TBC1D16: variants seen among roughly 807,000 people sequenced by gnomAD.
TBC1D16 encodes CTD-2529O21.1.
A neutral mutation model predicts 74.7 loss-of-function variants in TBC1D16; 58 were observed. That is an observed-to-expected ratio of 0.78 (90% confidence interval 0.63 to 0.97). The LOEUF is 0.97. Among genes scored for constraint, TBC1D16 ranks in the 50% least tolerant of loss-of-function variants. The pLI is 0.00. For synonymous variants in TBC1D16, 493 were observed against 474.7 expected (o/e 1.04, Z -0.50); for missense variants, 1,014 against 1,079.5 (o/e 0.94, Z 0.85).
At chr17:79,967,208 A>G (rs1424014701) in intron 3 of TBC1D16, among the ~76,000 whole-genome samples, 1 of 152,228 alleles carries the variant, frequency 6.6e-6, no homozygotes, top group Non-Finnish European at 1.5e-5. Context: ...TGGAAGGTCT[A>G]CCTGGGAAAT....
intron 2 of TBC1D16, among the ~76,000 whole-genome samples, chr17:80,011,642 T>C (rs748522170): frequency 7.9e-5 from 12 of 152,066 alleles, no homozygotes; most frequent in Non-Finnish European, 1.2e-4. Context: ...GTGGCTAACA[T>C]GGTGAAACCC....
Position 79,934,073 on chromosome 17 carries a change from G to A in TBC1D16, c.*6786C>T, listed in dbSNP as rs1042967257. Reference sequence around the variant, plus strand: ...AGCCACCGCCAGCCCTGAGGGCTGCGGGACAACAGAGAGCCGGGCCTGCCC... The same window carrying A: ...AGCCACCGCCAGCCCTGAGGGCTGCAGGACAACAGAGAGCCGGGCCTGCCC... On this transcript the variant is annotated 3_prime_UTR_variant, in exon 12 of 12. Transcript: ENST00000310924. 7 of 152,208 alleles carry A rather than the reference G, an allele frequency of 4.6e-5. No homozygotes were observed. Among genetic ancestry groups the A allele is most frequent in the African/African-American group, 1.4e-4 (6 of 41,448 alleles). The allele number at this position is 152,208 out of a possible 1,614,324, so 9.4% of individuals were successfully genotyped here.
At chr17:79,958,365 G>A (rs547036212) in intron 3 of TBC1D16, among the ~76,000 whole-genome samples, 6 of 152,000 alleles carry the variant, frequency 3.9e-5, no homozygotes, top group Admixed American at 2.0e-4. Context: ...GATTACAGGC[G>A]CCTGCCACCA....
At chr17:79,942,326 GC>G (rs2032093053) in intron 10 of TBC1D16, 120 bp from the exon 11 acceptor site, 1 of 1,140,598 alleles carries the variant, frequency 8.8e-7, no homozygotes, top group Non-Finnish European at 1.2e-6. Context: ...TGGGCTCACA[GC>G]CCAGCTCGGG....
chr17:79,989,273 G>C (rs1458379229), intron 3 of TBC1D16, among the ~76,000 whole-genome samples: 7 of 152,200 alleles, frequency 4.6e-5, no homozygotes, highest in Non-Finnish European at 8.8e-5. Context: ...CCCAAAGCCA[G>C]AATCCCTCCC....
chr17:79,968,196 G>C (rs1260528251), intron 3 of TBC1D16, among the ~76,000 whole-genome samples: 1 of 152,176 alleles, frequency 6.6e-6, no homozygotes, highest in East Asian at 1.9e-4. Context: ...ATTTCACCAT[G>C]TTGGCCAGGC....
Position 80,026,615 on chromosome 17 carries a change from C to T in TBC1D16, c.-63+9180G>A, listed in dbSNP as rs148678242. Among the ~76,000 whole-genome samples the T allele has an allele frequency of 3.3e-5, 5 of 149,890 alleles. No homozygotes were observed. The East Asian group carries it at 7.7e-4, about 23-fold the overall frequency. ...CTGAACAGAGCAGAGTCAAAGACAA[C>T]GTTTGGTTCCTGGACTGAGAACCCA... On this transcript the variant is annotated intron_variant, in intron 1 of 11. Coordinates refer to ENST00000310924, the MANE Select transcript of TBC1D16 (RefSeq NM_019020.4).
intron 5 of TBC1D16, among the ~76,000 whole-genome samples, chr17:79,951,192 C>G (rs1325587993): frequency 6.6e-6 from 1 of 152,188 alleles, no homozygotes; most frequent in African/African-American, 2.4e-5. Context: ...TACATTTGTA[C>G]GTAGATTGAG....
In TBC1D16 at chr17:79,988,291, A is replaced by T. The variant is rs552904797; in HGVS notation, c.779+21869T>A. ...ATGCACTCTCCAAAGTCACAGAGCA[A>T]AACAACACGCTGAACAAACACCACC... On this transcript the variant is annotated intron_variant, in intron 3 of 11. Coordinates refer to ENST00000310924, the MANE Select transcript of TBC1D16 (RefSeq NM_019020.4). The surrounding 1 kb of genome is among the most constrained non-coding windows in gnomAD (Gnocchi z 5.7). Among the ~76,000 whole-genome samples the T allele has an allele frequency of 6.6e-6, 1 of 152,356 alleles. No individual in the cohort carries two copies. The highest frequency in any genetic ancestry group is 2.4e-5 in the African/African-American group (1 of 41,586).
At chr17:79,999,020 C>T (rs1030600046) in intron 3 of TBC1D16, among the ~76,000 whole-genome samples, 1 of 152,120 alleles carries the variant, frequency 6.6e-6, no homozygotes, top group African/African-American at 2.4e-5. Context: ...CTCTGGGAGG[C>T]CGAGGCGGGG....
rs900683618 is a variant in TBC1D16 at position 79,985,835 on chromosome 17, A to G, written c.779+24325T>C. 6.6e-6 allele frequency among the ~76,000 whole-genome samples: 1 copy of G among 152,202 alleles called. No individual in the cohort carries two copies. The highest frequency in any genetic ancestry group is 1.5e-5 in the Non-Finnish European group (1 of 68,042). ...CTCCCACCTCGCAGCCACAACTTCA[A>G]TGCCCACAACAAACTGCCAATCAAG... is the stretch of plus-strand genomic sequence containing the variant. On this transcript the variant is annotated intron_variant, in intron 3 of 11. Coordinates refer to ENST00000310924, the MANE Select transcript of TBC1D16 (RefSeq NM_019020.4). The surrounding 1 kb of genome is among the most constrained non-coding windows in gnomAD (Gnocchi z 4.9).
intron 3 of TBC1D16, among the ~76,000 whole-genome samples, chr17:79,968,262 T>C (rs1272213809): frequency 6.6e-6 from 1 of 152,188 alleles, no homozygotes; most frequent in African/African-American, 2.4e-5. Context: ...CCAAAGGGAT[T>C]ATAGGCATGC....
intron 1 of TBC1D16, among the ~76,000 whole-genome samples, chr17:80,024,418 GAC>G (rs1169988896): frequency 3.0e-5 from 4 of 133,576 alleles, no homozygotes; most frequent in South Asian, 2.4e-4. Flanking sequence ...ACACACCATA[GAC>G]ACACACACTA....
intron 2 of TBC1D16, among the ~76,000 whole-genome samples, chr17:80,013,004 C>T (rs1030556546): frequency 6.6e-5 from 10 of 152,224 alleles, no homozygotes; most frequent in African/African-American, 2.2e-4. Context: ...CTGCTGGGGC[C>T]CTGGCCACTC....
chr17:79,999,537 T>TA (rs2035403904), intron 3 of TBC1D16, among the ~76,000 whole-genome samples: 1 of 120,744 alleles, frequency 8.3e-6, no homozygotes, highest in African/African-American at 3.2e-5. Context: ...AAATTTCTTT[T>TA]TTTTTTTTTT....
In TBC1D16 at chr17:79,942,201, G is replaced by A. The variant is rs375439698; in HGVS notation, c.1914C>T (p.Asp638=). ...CCACGCAGATGAAAAGGTGGAAGTA[G>A]TCCGTCTGTGGAGGCGGGTAGAGTT... ...WEACWAHYQT[D]YFHLFICVAI... The change falls in exon 11 of 12, where the codon GAC becomes GAT. Residue 638 remains aspartate, a synonymous_variant. Coordinates refer to ENST00000310924, the MANE Select transcript of TBC1D16 (RefSeq NM_019020.4). The A allele has an allele frequency of 2.4e-5, 38 of 1,598,284 alleles. No homozygotes were observed. The highest frequency in any genetic ancestry group is 3.3e-4 in the Middle Eastern group (2 of 6,056).
intron 1 of TBC1D16, among the ~76,000 whole-genome samples, chr17:80,020,914 G>A (rs1482472458): frequency 1.3e-5 from 2 of 150,006 alleles, no homozygotes; most frequent in African/African-American, 5.1e-5. Context: ...CCAACAATTT[G>A]GGAGGCTGAC....
intron 3 of TBC1D16, among the ~76,000 whole-genome samples, chr17:79,957,513 C>T (rs1252383166): frequency 6.6e-6 from 1 of 152,118 alleles, no homozygotes; most frequent in Non-Finnish European, 1.5e-5. Context: ...ACCATGGAGA[C>T]AGTGACAAGA....
rs1307358989 is a variant in TBC1D16, at chr17:80,007,682, G to T, written c.779+2478C>A. Among the ~76,000 whole-genome samples, 1 of 152,174 alleles carries T rather than the reference G, an allele frequency of 6.6e-6. No homozygotes were observed. The highest frequency in any genetic ancestry group is 2.4e-5 in the African/African-American group (1 of 41,436). ...CAGGAGCTGAGTCTCAAACATATAA[G>T]CTGGCCGGTTAGGAGAGAGGGGAAG... On this transcript the variant is annotated intron_variant, in intron 3 of 11. Coordinates refer to ENST00000310924, the MANE Select transcript of TBC1D16 (RefSeq NM_019020.4). The surrounding 1 kb of genome is among the most constrained non-coding windows in gnomAD (Gnocchi z 4.5).
Sources: allele counts gnomAD v4.1 joint callset (sites outside exome capture counted in the v4.1 genomes callset), GRCh38; gene constraint gnomAD v4.1.1; non-coding constraint Gnocchi (gnomAD v3.1); transcripts MANE v1.5; gene names NCBI Gene and HGNC (gene_info 2026-07-23, HGNC 2026-07-21).